Variants in FBLN1 observed in about 807,000 individuals in gnomAD.
FBLN1 encodes the protein fibulin 1.
Under a neutral mutation model 89.7 loss-of-function variants are expected in FBLN1, and 34 were observed. The ratio of observed to expected loss-of-function variants is 0.38; its 90% confidence interval spans 0.29 to 0.50. The LOEUF is 0.50. Ranked by LOEUF, FBLN1 falls within the 20% of genes least tolerant of loss-of-function variation. FBLN1 has a pLI of 0.92. For missense variants in FBLN1, 777 were observed against 988.1 expected (o/e 0.79, Z 2.86); for synonymous variants, 393 against 391.3 (o/e 1.00, Z -0.05).
rs2088863842 is a variant in FBLN1 at position 45,562,821 on chromosome 22, T to TGCCAGC, written c.1698-11689_1698-11684dup. On this transcript the variant is annotated intron_variant, in intron 14 of 16. Transcript: ENST00000327858. This position sits in a 1 kb window ranked among gnomAD's most constrained non-coding sequence, Gnocchi z 7.8. The stretch of plus-strand genomic sequence containing the variant: ...CAGAGGGGCGGCGGGAGGCCCCGCC[T>TGCCAGC]GCCAGCCCCGCATCCCCGCGCTCTG... The TGCCAGC allele has an allele frequency of 7.6e-7, 1 of 1,310,610 alleles. No homozygotes were observed. Among genetic ancestry groups the TGCCAGC allele is most frequent in the Non-Finnish European group, 1.1e-6 (1 of 916,402 alleles). 81.2% of individuals were successfully genotyped at this position (1,310,610 alleles called of 1,614,324 possible).
rs546249807 is a variant in FBLN1 at position 45,505,061 on chromosome 22, G to T, written c.79+1997G>T. Among the ~76,000 whole-genome samples the T allele has an allele frequency of 2.3e-3, 347 of 152,326 alleles. 6 individuals are homozygous for T. The highest frequency in any genetic ancestry group is 8.0e-3 in the African/African-American group (333 of 41,570). On this transcript the variant is annotated intron_variant, in intron 1 of 16. Coordinates refer to ENST00000327858, the MANE Select transcript of FBLN1 (RefSeq NM_006486.3). ...AGATGGTGAGCCTGTTAGCTGATCTGCAGAAACTCCTTTGGCGACGGCCGC... is the reference window on the plus strand; with the variant it reads ...AGATGGTGAGCCTGTTAGCTGATCTTCAGAAACTCCTTTGGCGACGGCCGC...
chr22:45,566,560 G>C (rs1272795778), intron 14 of FBLN1, among the ~76,000 whole-genome samples: 1 of 152,206 alleles, frequency 6.6e-6, no homozygotes, highest in Non-Finnish European at 1.5e-5. Flanking sequence ...CTGTGACCCT[G>C]GATACATCGT....
rs974115802 is a variant in FBLN1 at position 45,517,774 on chromosome 22, C to T, written c.80-908C>T. The T allele has an allele frequency of 2.1e-5, 8 of 382,586 alleles. No homozygotes were observed. The Admixed American group carries it at 2.8e-4, about 13-fold the overall frequency. The allele number at this position is 382,586 out of a possible 1,614,324, so 23.7% of individuals were successfully genotyped here. A position where few individuals can be genotyped will look rare whatever the true frequency, so the allele number is the denominator to read the frequency against. On this transcript the variant is annotated intron_variant, in intron 1 of 16. Transcript: ENST00000327858. ...CTTGAGGCTTATGTCCCCCCTCCTG[C>T]CCCTTTGCTCCCAAGATTAAAGGAG...
chr22:45,593,754 T>A (rs1156416209), intron 16 of FBLN1, among the ~76,000 whole-genome samples: 2 of 152,238 alleles, frequency 1.3e-5, no homozygotes, highest in Non-Finnish European at 2.9e-5. Flanking sequence ...TTGTCTTCGT[T>A]CCTAGATTGT....
rs530943397 is a variant in FBLN1, at chr22:45,550,257, G to A, written c.1574-235G>A. ...TCATGTAGTGTTTACTTTTACCATC[G>A]TCACGCTCCCTCCAGGGATTGCGAA... On this transcript the variant is annotated intron_variant, in intron 13 of 16. Coordinates refer to ENST00000327858, the MANE Select transcript of FBLN1 (RefSeq NM_006486.3). The surrounding 1 kb of genome is among the most constrained non-coding windows in gnomAD (Gnocchi z 8.4). 3.9e-4 allele frequency among the ~76,000 whole-genome samples: 60 copies of A among 152,284 alleles called. No homozygotes were observed. The highest frequency in any genetic ancestry group is 3.4e-3 in the Middle Eastern group (1 of 292).
At chr22:45,512,140 T>C (rs1337697186) in intron 1 of FBLN1, among the ~76,000 whole-genome samples, 2 of 151,720 alleles carry the variant, frequency 1.3e-5, no homozygotes, top group East Asian at 3.9e-4. Flanking sequence ...AGAGGTAATT[T>C]TTGGATCTCA....
chr22:45,518,237 T>G (rs1472027052), intron 1 of FBLN1, among the ~76,000 whole-genome samples: 2 of 151,380 alleles, frequency 1.3e-5, no homozygotes, highest in Non-Finnish European at 2.9e-5. Context: ...CTGGAAAGAG[T>G]CATGTCGGCT....
At chr22:45,513,377 T>C (rs1454148159) in intron 1 of FBLN1, among the ~76,000 whole-genome samples, 1 of 150,950 alleles carries the variant, frequency 6.6e-6, no homozygotes, top group Admixed American at 6.6e-5. Flanking sequence ...TAATCCCTGC[T>C]CACTACAACC....
In FBLN1 at chr22:45,504,590, C is replaced by A. The variant is rs114968748; in HGVS notation, c.79+1526C>A. Among the ~76,000 whole-genome samples, 785 of 152,170 alleles carry A rather than the reference C, an allele frequency of 5.2e-3. 7 individuals carry two copies. The highest frequency in any genetic ancestry group is 9.1e-3 in the Non-Finnish European group (622 of 68,002). Reference sequence around the variant, plus strand: ...GAAAAGGAAGGAGCCTCAGAGGCCCCGATTGTGTCGATGAGGAAGCTGAGG... The same window carrying A: ...GAAAAGGAAGGAGCCTCAGAGGCCCAGATTGTGTCGATGAGGAAGCTGAGG... On this transcript the variant is annotated intron_variant, in intron 1 of 16. Coordinates refer to ENST00000327858, the MANE Select transcript of FBLN1 (RefSeq NM_006486.3).
chr22:45,567,846 C>G lies in FBLN1; in HGVS notation c.1698-6665C>G, dbSNP rs1213171889. Among the ~76,000 whole-genome samples the G allele has an allele frequency of 2.6e-5, 4 of 152,174 alleles. No individual in the cohort carries two copies. In the East Asian group the frequency reaches 5.8e-4, roughly 22 times the overall value. On this transcript the variant is annotated intron_variant, in intron 14 of 16. Coordinates refer to ENST00000327858, the MANE Select transcript of FBLN1 (RefSeq NM_006486.3). ...AACAGTGGCAGAACCCCAAAATAAT[C>G]AACAGGTATCCCCAGAAAGTGTACT...
In FBLN1 at chr22:45,597,297, A is replaced by C. The variant is rs2146671579; in HGVS notation, c.1973-3010A>C. Among the ~76,000 whole-genome samples the C allele has an allele frequency of 6.6e-6, 1 of 152,286 alleles. No homozygotes were observed. Among genetic ancestry groups the C allele is most frequent in the East Asian group, 1.9e-4 (1 of 5,180 alleles). On this transcript the variant is annotated intron_variant, in intron 16 of 16. Coordinates refer to ENST00000327858, the MANE Select transcript of FBLN1 (RefSeq NM_006486.3). The surrounding 1 kb of genome is among the most constrained non-coding windows in gnomAD (Gnocchi z 4.2). Reference sequence around the variant, plus strand: ...ATTACAAGCGTGAGCCACTGCACCCAGCTGAAACAAAGACATATCTGACTG... The same window carrying C: ...ATTACAAGCGTGAGCCACTGCACCCCGCTGAAACAAAGACATATCTGACTG...
In FBLN1 at chr22:45,530,907, G is replaced by A. The variant is rs961702492; in HGVS notation, c.485-358G>A. Among the ~76,000 whole-genome samples, 2 of 151,980 alleles carry A rather than the reference G, an allele frequency of 1.3e-5. No homozygotes were observed. The highest frequency in any genetic ancestry group is 4.8e-5 in the African/African-American group (2 of 41,362). On this transcript the variant is annotated intron_variant, in intron 4 of 16. Transcript: ENST00000327858. This position sits in a 1 kb window ranked among gnomAD's most constrained non-coding sequence, Gnocchi z 5.4. Reference sequence around the variant, plus strand: ...ACTTCCTGAGTACCTGAGATTACAGGTGCATGCCGCTACACCTGGCTAATT... The same window carrying A: ...ACTTCCTGAGTACCTGAGATTACAGATGCATGCCGCTACACCTGGCTAATT...
At chr22:45,599,143 C>T (rs974297855) in intron 16 of FBLN1, among the ~76,000 whole-genome samples, 2 of 152,188 alleles carry the variant, frequency 1.3e-5, no homozygotes. Flanking sequence ...TTCTACCCTG[C>T]CGTGGCTGAG....
At chr22:45,520,855 G>T (rs2030871610) in intron 2 of FBLN1, among the ~76,000 whole-genome samples, 1 of 152,022 alleles carries the variant, frequency 6.6e-6, no homozygotes, top group African/African-American at 2.4e-5. Flanking sequence ...TTGCTCTGTT[G>T]CCCAGGCTGG....
At position 45,561,132 on chromosome 22, in the gene FBLN1, C is replaced by G. The variant is rs867836745; in HGVS notation, c.1697+10517C>G. 6.6e-6 allele frequency among the ~76,000 whole-genome samples: 1 copy of G among 152,168 alleles called. No homozygotes were observed. ...CAAGTTGCAGGGTCCCATTCTTTTT[C>G]AATCAATGCCCTCACTTTAACAGCA... is the stretch of plus-strand genomic sequence containing the variant. On this transcript the variant is annotated intron_variant, in intron 14 of 16. Coordinates refer to ENST00000327858, the MANE Select transcript of FBLN1 (RefSeq NM_006486.3). The surrounding 1 kb of genome is among the most constrained non-coding windows in gnomAD (Gnocchi z 4.7).
Position 45,549,467 on chromosome 22 carries a change from C to T in FBLN1, c.1573+723C>T, listed in dbSNP as rs2088673816. ...TAGCTTCTGGTCATGAGGAAGGTGA[C>T]TTTGATGAAAGGCAGGCAGGAGCTG... On this transcript the variant is annotated intron_variant, in intron 13 of 16. Transcript: ENST00000327858. This position sits in a 1 kb window ranked among gnomAD's most constrained non-coding sequence, Gnocchi z 5.7. 6.6e-6 allele frequency among the ~76,000 whole-genome samples: 1 copy of T among 152,142 alleles called. No individual in the cohort carries two copies. The highest frequency in any genetic ancestry group is 1.5e-5 in the Non-Finnish European group (1 of 68,028).
At chr22:45,599,550 G>A (rs1416797694) in intron 16 of FBLN1, among the ~76,000 whole-genome samples, 1 of 152,098 alleles carries the variant, frequency 6.6e-6, no homozygotes, top group African/African-American at 2.4e-5. Flanking sequence ...CTGGGCACAG[G>A]GGGTTGGAAG....
intron 2 of FBLN1, among the ~76,000 whole-genome samples, chr22:45,525,114 AG>A: frequency 1.5e-5 from 2 of 132,196 alleles, no homozygotes; most frequent in African/African-American, 2.9e-5. Flanking sequence ...AAAGAGAGAG[AG>A]AGAGAGAAAG....
intron 1 of FBLN1, 40 bp downstream of exon 1, chr22:45,503,104 C>T (rs776345556): frequency 3.3e-6 from 4 of 1,220,188 alleles, no homozygotes; most frequent in South Asian, 3.8e-5. Context: ...CTTAGGGTCC[C>T]GACCCCCTCG....
Sources: gnomAD v4.1 joint callset for allele counts (sites outside exome capture counted in the v4.1 genomes callset) on GRCh38, gnomAD v4.1.1 for gene constraint, Gnocchi (gnomAD v3.1) non-coding constraint, MANE v1.5 for transcripts, NCBI Gene and HGNC (gene_info 2026-07-23, HGNC 2026-07-21) for gene names.